PTPRS: variants seen among roughly 807,000 people sequenced by gnomAD.
PTPRS encodes the protein receptor-type tyrosine-protein phosphatase S.
Under a neutral mutation model 215.3 loss-of-function variants are expected in PTPRS, and 63 were observed. That is an observed-to-expected ratio of 0.29 (90% CI 0.24 to 0.36). The LOEUF (loss-of-function observed/expected upper bound fraction) is 0.36, where lower values mean the gene tolerates loss of function less well. PTPRS is among the 10% of genes least tolerant of loss of function. The pLI is 1.00. For synonymous variants in PTPRS, 1,404 were observed against 1,191.4 expected (o/e 1.18, Z -3.68); for missense variants, 2,258 against 2,825.8 (o/e 0.80, Z 4.56).
intron 2 of PTPRS, 35 bp downstream of exon 2, chr19:5,286,015 C>T (rs777532419): frequency 2.2e-5 from 35 of 1,587,288 alleles, no homozygotes; most frequent in Non-Finnish European, 2.6e-5. Flanking sequence ...TAAACAAACA[C>T]GCAGACCCCT....
intron 4 of PTPRS, among the ~76,000 whole-genome samples, chr19:5,269,389 T>C (rs1397735750): frequency 1.3e-5 from 2 of 151,896 alleles, no homozygotes; most frequent in Non-Finnish European, 2.9e-5. Flanking sequence ...AAAACAACAG[T>C]GCAGGAGGCG....
intron 4 of PTPRS, among the ~76,000 whole-genome samples, chr19:5,266,133 C>T (rs2046380351): frequency 6.6e-6 from 1 of 151,932 alleles, no homozygotes; most frequent in African/African-American, 2.4e-5. Context: ...ATGGTGCATG[C>T]TTGTAATCCC....
At chr19:5,240,699 C>T (rs2043958118) in intron 11 of PTPRS, among the ~76,000 whole-genome samples, 2 of 151,340 alleles carry the variant, frequency 1.3e-5, no homozygotes, top group East Asian at 2.0e-4. Flanking sequence ...ATTAGCCGGG[C>T]GCGGTGGCGG....
intron 1 of PTPRS, among the ~76,000 whole-genome samples, chr19:5,321,060 G>A (rs569469499): frequency 6.6e-6 from 1 of 152,242 alleles, no homozygotes; most frequent in South Asian, 2.1e-4. Context: ...CCAGGAGTTC[G>A]AGACCAGCCT....
At chr19:5,227,304 GC>G in intron 16 of PTPRS, among the ~76,000 whole-genome samples, 1 of 152,106 alleles carries the variant, frequency 6.6e-6, no homozygotes, top group East Asian at 1.9e-4. Flanking sequence ...GCCTGCCTCT[GC>G]CTCCCAAAGT....
At position 5,220,271 on chromosome 19, in the gene PTPRS, C is replaced by T; in HGVS notation, c.3538G>A (p.Asp1180Asn). ...LTPLGSPEDM[D>N]LEELIQDISR... ...CCCCAGGCCCTCACCTCTTCCAGAT[C>T]CATGTCCTCTGGGCTACCCAGCGGG... Residue 1180 changes from aspartate to asparagine, a missense_variant, in exon 21 of 38, where the codon GAT (aspartate) becomes AAT (asparagine). By Grantham distance (23) the Asp-to-Asn change is conservative. Coordinates refer to ENST00000262963, the MANE Select transcript of PTPRS (RefSeq NM_002850.4). The T allele has an allele frequency of 1.2e-6, 2 of 1,613,964 alleles. No homozygotes were observed. Among genetic ancestry groups the T allele is most frequent in the Admixed American group, 1.7e-5 (1 of 60,004 alleles).
rs1294156687 is a variant in PTPRS at position 5,229,575 on chromosome 19, G to T, written c.2265C>A (p.Gly755=). The T allele has an allele frequency of 2.8e-6, 4 of 1,450,042 alleles. No homozygotes were observed. The highest frequency in any genetic ancestry group is 2.7e-6 in the Non-Finnish European group (3 of 1,102,206). The allele number at this position is 1,450,042 out of a possible 1,614,324, so 89.8% of individuals were successfully genotyped here. A position where few individuals can be genotyped will look rare whatever the true frequency, so the allele number is the denominator to read the frequency against. ...CCATGCGCACGTAGTGGACCTGGTA[G>T]CCGCGGATCTGGCCGTGCTGCCGGC... The part of the protein sequence containing the change: ...APGRQHGQIR[G]YQVHYVRMEG... Residue 755 remains glycine, a synonymous_variant, in exon 15 of 38, where the codon GGC becomes GGA. Coordinates refer to ENST00000262963, the MANE Select transcript of PTPRS (RefSeq NM_002850.4).
In PTPRS at chr19:5,294,961, G is replaced by C. The variant is rs1031703607; in HGVS notation, c.-94-8727C>G. On this transcript the variant is annotated intron_variant, in intron 1 of 37. Coordinates refer to ENST00000262963, the MANE Select transcript of PTPRS (RefSeq NM_002850.4). The surrounding 1 kb of genome is among the most constrained non-coding windows in gnomAD (Gnocchi z 5.1). ...ATGGAGGAGGCTGCCTGGTGCCCCA[G>C]CATCACCAAAGGCACACAGGAGGTT... Among the ~76,000 whole-genome samples, 3 of 152,174 alleles carry C rather than the reference G, an allele frequency of 2.0e-5. No homozygotes were observed. Among genetic ancestry groups the C allele is most frequent in the Admixed American group, 1.3e-4 (2 of 15,276 alleles).
chr19:5,223,409 T>TGGG (rs34962301), intron 17 of PTPRS, 112 bp from the exon 18 acceptor site: 55 of 1,107,866 alleles, frequency 5.0e-5, no homozygotes, highest in Admixed American at 1.5e-4. Flanking sequence ...TTTTTTGAGT[T>TGGG]GGGGGGGGTC....
At chr19:5,232,632 CCTA>C (rs903451968) in intron 13 of PTPRS, among the ~76,000 whole-genome samples, 10 of 151,478 alleles carry the variant, frequency 6.6e-5, no homozygotes, top group Admixed American at 1.3e-4. Flanking sequence ...TCATTAAGCA[CCTA>C]CTATGTGCCA....
chr19:5,329,863 T>C (rs2050269704), intron 1 of PTPRS, among the ~76,000 whole-genome samples: 3 of 151,730 alleles, frequency 2.0e-5, no homozygotes, highest in Admixed American at 2.0e-4. Flanking sequence ...GATCACCTGA[T>C]CTCAGGAGTT....
At chr19:5,311,401 T>G (rs7247790) in intron 1 of PTPRS, among the ~76,000 whole-genome samples, 40,136 of 151,992 alleles carry the variant, frequency 0.26, 6,251 homozygotes, top group African/African-American at 0.44. Context: ...CCTGACCCTG[T>G]GAGGATCAGG....
Position 5,293,285 on chromosome 19 carries a change from G to C in PTPRS, c.-94-7051C>G, listed in dbSNP as rs1300096923. 6.6e-6 allele frequency: 1 copy of C among 151,490 alleles called. No individual in the cohort carries two copies. Among genetic ancestry groups the C allele is most frequent in the African/African-American group, 2.4e-5 (1 of 41,296 alleles). The allele number at this position is 151,490 out of a possible 1,614,324, so 9.4% of individuals were successfully genotyped here. A position where few individuals can be genotyped will look rare whatever the true frequency, so the allele number is the denominator to read the frequency against. ...TCGGCCTGGGGAGCTCGGCCTGGGG[G>C]CGGGGCAAGGGGCGGGGCTGTAGGG... On this transcript the variant is annotated intron_variant, in intron 1 of 37. Coordinates refer to ENST00000262963, the MANE Select transcript of PTPRS (RefSeq NM_002850.4). This position sits in a 1 kb window ranked among gnomAD's most constrained non-coding sequence, Gnocchi z 8.4.
intron 25 of PTPRS, among the ~76,000 whole-genome samples, chr19:5,217,807 C>G (rs2041619047): frequency 6.6e-6 from 1 of 152,080 alleles, no homozygotes. Flanking sequence ...GGCATGAGCC[C>G]ATGAAGAGGG....
At chr19:5,285,251 G>T (rs923790672) in intron 2 of PTPRS, among the ~76,000 whole-genome samples, 15 of 152,192 alleles carry the variant, frequency 9.9e-5, no homozygotes, top group Non-Finnish European at 4.4e-5. Context: ...CAGCCTGACT[G>T]CAGAACCCAG....
Position 5,258,020 on chromosome 19 carries a change from G to A in PTPRS, c.703C>T (p.Arg235Ter). 6.2e-7 allele frequency: 1 copy of A among 1,612,772 alleles called. No individual in the cohort carries two copies. Among genetic ancestry groups the A allele is most frequent in the Non-Finnish European group, 8.5e-7 (1 of 1,178,998 alleles). The change falls in exon 8 of 38, where the codon CGA (arginine) becomes TGA (stop). Residue 235 changes from arginine to a stop codon, truncating the protein, a stop_gained. Coordinates refer to ENST00000262963, the MANE Select transcript of PTPRS (RefSeq NM_002850.4). LOFTEE classifies it high-confidence loss of function. ...ACCTGGACGCGGCGTTCCCTACCTC[G>A]CACGTAGAGGTTGGCAGGTGAGGAG... ...RYSSPANLYV[R>*]ELREVRRVAP...
chr19:5,279,675 TTATC>T (rs1357344934), intron 2 of PTPRS, among the ~76,000 whole-genome samples: 1 of 151,566 alleles, frequency 6.6e-6, no homozygotes, highest in Non-Finnish European at 1.5e-5. Flanking sequence ...CCAGCTGAAG[TTATC>T]TATTTTTATT....
At chr19:5,300,912 T>C (rs72985112) in intron 1 of PTPRS, among the ~76,000 whole-genome samples, 2,777 of 152,020 alleles carry the variant, frequency 0.018, 54 homozygotes, top group East Asian at 0.073. Context: ...TGCTGGCCAA[T>C]AGCACAGAGG....
rs1335917426 is a variant in PTPRS, at chr19:5,293,994, G to T, written c.-94-7760C>A. 3.3e-5 allele frequency among the ~76,000 whole-genome samples: 5 copies of T among 152,196 alleles called. No individual in the cohort carries two copies. The highest frequency in any genetic ancestry group is 6.5e-5 in the Admixed American group (1 of 15,284). On this transcript the variant is annotated intron_variant, in intron 1 of 37. Coordinates refer to ENST00000262963, the MANE Select transcript of PTPRS (RefSeq NM_002850.4). The surrounding 1 kb of genome is among the most constrained non-coding windows in gnomAD (Gnocchi z 8.4). ...AATCCGAGCCAGCGTTGCGCCCGGGGTGCGGGTTTGAAAACTCCACCGGAG... is the reference window on the plus strand; with the variant it reads ...AATCCGAGCCAGCGTTGCGCCCGGGTTGCGGGTTTGAAAACTCCACCGGAG...
Sources: gnomAD v4.1 joint callset for allele counts (sites outside exome capture counted in the v4.1 genomes callset) on GRCh38, gnomAD v4.1.1 for gene constraint, Gnocchi (gnomAD v3.1) non-coding constraint, MANE v1.5 for transcripts, NCBI Gene and HGNC (gene_info 2026-07-23, HGNC 2026-07-21) for gene names.